FGF14: variants seen among roughly 807,000 people sequenced by gnomAD.
FGF14 encodes fibroblast growth factor 14, also known as fibroblast growth factor homologous factor 4.
FGF14 carries 5 observed loss-of-function variants against 25.5 expected under a neutral mutation model. The observed-to-expected ratio is 0.20, with a 90% CI of 0.10 to 0.41. The LOEUF (loss-of-function observed/expected upper bound fraction) is 0.41. FGF14 is among the 10% of genes least tolerant of loss of function. The pLI is 1.00. For missense variants in FGF14, 222 were observed against 320.1 expected, an observed-to-expected ratio of 0.69 and a Z score of 2.34; for synonymous variants, 138 against 118.3, an observed-to-expected ratio of 1.17 and a Z score of -1.08.
chr13:102,249,578 A>G (rs370577986), intron 1 of FGF14, among the ~76,000 whole-genome samples: 5 of 131,066 alleles, frequency 3.8e-5, no homozygotes, highest in African/African-American at 9.1e-5. Flanking sequence ...GTGTGTGTGT[A>G]CGCGCACACA....
At chr13:102,273,137 C>T (rs1318203172) in intron 1 of FGF14, among the ~76,000 whole-genome samples, 3 of 152,150 alleles carry the variant, frequency 2.0e-5, no homozygotes, top group Non-Finnish European at 4.4e-5. Context: ...GACATCACTA[C>T]ATTGCATTAT....
intron 1 of FGF14, among the ~76,000 whole-genome samples, chr13:102,356,773 A>G (rs1203472396): frequency 6.6e-6 from 1 of 152,108 alleles, no homozygotes; most frequent in Non-Finnish European, 1.5e-5. Context: ...TTATATTAAA[A>G]AGATTTATAT....
intron 1 of FGF14, among the ~76,000 whole-genome samples, chr13:102,288,885 C>T (rs2054241121): frequency 1.3e-5 from 2 of 152,056 alleles, no homozygotes; most frequent in South Asian, 2.1e-4. Flanking sequence ...ACTCCTCACC[C>T]TCTTTTCTCA....
intron 3 of FGF14, among the ~76,000 whole-genome samples, chr13:101,829,788 C>T (rs1211250662): frequency 6.6e-6 from 1 of 151,984 alleles, no homozygotes; most frequent in African/African-American, 2.4e-5. Flanking sequence ...ATTAGCATTC[C>T]AGTAATTTTC....
At chr13:102,068,418 T>C (rs2042994305) in intron 1 of FGF14, among the ~76,000 whole-genome samples, 1 of 152,164 alleles carries the variant, frequency 6.6e-6, no homozygotes, top group South Asian at 2.1e-4. Context: ...TGGGAGCCCC[T>C]TTCTGGGCTG....
At position 101,713,038 on chromosome 13, in the gene FGF14, A is replaced by G. The variant is rs1304105698; in HGVS notation, c.*9793T>C. On this transcript the variant is annotated 3_prime_UTR_variant, in exon 5 of 5. Transcript: ENST00000376143. The stretch of plus-strand genomic sequence containing the variant: ...AGTCAAGACTAAATACAATTATGCC[A>G]TAGCTACGCAAGAAGTTAAAAAACA... The G allele has an allele frequency of 2.0e-5, 3 of 152,238 alleles. No homozygotes were observed. Among genetic ancestry groups the G allele is most frequent in the Non-Finnish European group, 4.4e-5 (3 of 68,042 alleles). The allele number at this position is 152,238 out of a possible 1,614,324, so 9.4% of individuals were successfully genotyped here. A position where few individuals can be genotyped will look rare whatever the true frequency, so the allele number is the denominator to read the frequency against.
chr13:102,390,999 G>T (rs1449252041), intron 1 of FGF14, among the ~76,000 whole-genome samples: 1 of 152,112 alleles, frequency 6.6e-6, no homozygotes, highest in Admixed American at 6.5e-5. Flanking sequence ...TTGGGTAAAT[G>T]TTTCAAGTTC....
At position 101,826,887 on chromosome 13, in the gene FGF14, C is replaced by G. The variant is rs143255281; in HGVS notation, c.408+41838G>C. On this transcript the variant is annotated intron_variant, in intron 3 of 4. Transcript: ENST00000376143. ...GTGGCTTTTCTGACATGTAGGACTTCAAAATATTTAGCTTATGAAATAACC... is the reference window on the plus strand; with the variant it reads ...GTGGCTTTTCTGACATGTAGGACTTGAAAATATTTAGCTTATGAAATAACC... Among the ~76,000 whole-genome samples, 349 of 151,890 alleles carry G rather than the reference C, an allele frequency of 2.3e-3. 1 individual carries two copies. Among genetic ancestry groups the G allele is most frequent in the African/African-American group, 7.6e-3 (316 of 41,480 alleles).
chr13:101,786,621 C>T (rs575430648), intron 3 of FGF14, among the ~76,000 whole-genome samples: 2 of 152,118 alleles, frequency 1.3e-5, no homozygotes, highest in African/African-American at 4.8e-5. Flanking sequence ...GTAAGGACAC[C>T]AATCAAATTG....
At chr13:101,739,721 A>C (rs894931880) in intron 3 of FGF14, among the ~76,000 whole-genome samples, 33 of 152,306 alleles carry the variant, frequency 2.2e-4, no homozygotes, top group African/African-American at 7.9e-4. Flanking sequence ...GCATGAGTGA[A>C]ACCAGTGGTC....
intron 1 of FGF14, among the ~76,000 whole-genome samples, chr13:102,212,407 C>T (rs1010786443): frequency 6.6e-6 from 1 of 152,110 alleles, no homozygotes; most frequent in African/African-American, 2.4e-5. Context: ...ATCTCTGAAC[C>T]TGAATCCCCC....
chr13:102,042,382 T>C (rs888864654), intron 1 of FGF14, among the ~76,000 whole-genome samples: 1 of 152,218 alleles, frequency 6.6e-6, no homozygotes, highest in Non-Finnish European at 1.5e-5. Flanking sequence ...CTCAGTGAAT[T>C]GAGAAGGTCG....
chr13:102,008,377 G>C (rs1330207158), intron 1 of FGF14, among the ~76,000 whole-genome samples: 1 of 152,180 alleles, frequency 6.6e-6, no homozygotes, highest in East Asian at 1.9e-4. Context: ...TCTGTTGACT[G>C]TTCATTTGAT....
intron 1 of FGF14, among the ~76,000 whole-genome samples, chr13:102,380,902 G>T (rs1265610923): frequency 6.6e-6 from 1 of 152,058 alleles, no homozygotes; most frequent in Non-Finnish European, 1.5e-5. Flanking sequence ...TTATAATGGG[G>T]TTATGTCCCA....
At chr13:101,729,056 A>G (rs2035632904) in intron 3 of FGF14, among the ~76,000 whole-genome samples, 1 of 152,098 alleles carries the variant, frequency 6.6e-6, no homozygotes, top group Admixed American at 6.5e-5. Flanking sequence ...GGATTCTGAC[A>G]CTATATCTTT....
At chr13:102,314,138 TAA>T (rs1183947919) in intron 1 of FGF14, among the ~76,000 whole-genome samples, 3 of 152,204 alleles carry the variant, frequency 2.0e-5, no homozygotes, top group Non-Finnish European at 2.9e-5. Flanking sequence ...AGTTGAAATA[TAA>T]GAGACAGAAA....
chr13:101,714,398 G>A lies in FGF14; in HGVS notation c.*8433C>T, dbSNP rs377474868. The A allele has an allele frequency of 8.9e-7, 1 of 1,121,694 alleles. No individual in the cohort carries two copies. Among genetic ancestry groups the A allele is most frequent in the Non-Finnish European group, 1.4e-6 (1 of 731,740 alleles). The allele number at this position is 1,121,694 out of a possible 1,614,324, so 69.5% of individuals were successfully genotyped here. On this transcript the variant is annotated 3_prime_UTR_variant, in exon 5 of 5. Transcript: ENST00000376143. ...ATTCTATTCGAGATGGAAACCTTTAGTTATAAGGTGATGGTGAGTAATAGC... is the reference window on the plus strand; with the variant it reads ...ATTCTATTCGAGATGGAAACCTTTAATTATAAGGTGATGGTGAGTAATAGC...
chr13:102,215,545 T>C (rs930825312), intron 1 of FGF14, among the ~76,000 whole-genome samples: 1 of 152,196 alleles, frequency 6.6e-6, no homozygotes, highest in African/African-American at 2.4e-5. Flanking sequence ...CTCTAGTTCC[T>C]ATGCCTGCAT....
intron 1 of FGF14, among the ~76,000 whole-genome samples, chr13:102,246,718 A>G (rs2051888960): frequency 1.3e-5 from 2 of 150,918 alleles, no homozygotes; most frequent in Non-Finnish European, 2.9e-5. Flanking sequence ...TCTTTACAGA[A>G]GTAGACAAAA....
Sources: allele counts gnomAD v4.1 joint callset (sites outside exome capture counted in the v4.1 genomes callset), GRCh38; gene constraint gnomAD v4.1.1; transcripts MANE v1.5; gene names NCBI Gene and HGNC (gene_info 2026-07-23, HGNC 2026-07-21).